Variants in PLEKHM3 observed in about 807,000 individuals in gnomAD.
PLEKHM3 encodes pleckstrin homology domain containing M3.
A neutral mutation model predicts 81.8 loss-of-function variants in PLEKHM3; 45 were observed. That is an observed-to-expected ratio of 0.55 (90% CI 0.43 to 0.71). The LOEUF (loss-of-function observed/expected upper bound fraction) is 0.71. Among genes scored for constraint, PLEKHM3 ranks in the 30% least tolerant of loss-of-function variants. The pLI is 0.00. For synonymous variants in PLEKHM3, 352 were observed against 356.4 expected (o/e 0.99, Z 0.14); for missense variants, 788 against 924.3 (o/e 0.85, Z 1.91).
chr2:207,882,826 GT>G (rs945737587), intron 6 of PLEKHM3, among the ~76,000 whole-genome samples: 13 of 149,366 alleles, frequency 8.7e-5, no homozygotes, highest in South Asian at 6.5e-4. Context: ...GTTTTTAAAA[GT>G]TTTTTTTTTA....
chr2:207,971,624 A>G (rs1691124767), intron 3 of PLEKHM3, among the ~76,000 whole-genome samples: 1 of 152,042 alleles, frequency 6.6e-6, no homozygotes, highest in Non-Finnish European at 1.5e-5. Flanking sequence ...TGAATAACCT[A>G]ATATAGAATC....
At chr2:207,913,994 CCA>C (rs1206596444) in intron 5 of PLEKHM3, among the ~76,000 whole-genome samples, 7 of 151,968 alleles carry the variant, frequency 4.6e-5, no homozygotes, top group Non-Finnish European at 8.8e-5. Context: ...CACACACACC[CCA>C]CACACAGTAT....
chr2:207,960,554 C>T (rs1372848529), intron 3 of PLEKHM3, among the ~76,000 whole-genome samples: 1 of 152,210 alleles, frequency 6.6e-6, no homozygotes, highest in African/African-American at 2.4e-5. Flanking sequence ...ATCTTCCTGC[C>T]TCTTGGCATA....
chr2:207,993,286 C>A (rs945178278), intron 2 of PLEKHM3, among the ~76,000 whole-genome samples: 1 of 152,110 alleles, frequency 6.6e-6, no homozygotes, highest in African/African-American at 2.4e-5. Flanking sequence ...AACTATACGA[C>A]CATATAAAAT....
intron 4 of PLEKHM3, among the ~76,000 whole-genome samples, chr2:207,939,541 T>C (rs1035778580): frequency 2.6e-5 from 4 of 152,188 alleles, no homozygotes; most frequent in Non-Finnish European, 4.4e-5. Flanking sequence ...TTGTCCTGTA[T>C]ACAATTGTAG....
chr2:207,877,200 G>A (rs1434124417), intron 6 of PLEKHM3, among the ~76,000 whole-genome samples: 14 of 152,082 alleles, frequency 9.2e-5, no homozygotes, highest in Non-Finnish European at 2.1e-4. Flanking sequence ...ATGTTCAGAG[G>A]TTCAGTAAAA....
chr2:207,825,808 C>T lies in PLEKHM3; in HGVS notation c.*2511G>A, dbSNP rs1019839081. 2.0e-5 allele frequency: 3 copies of T among 152,120 alleles called. No homozygotes were observed. Among genetic ancestry groups the T allele is most frequent in the African/African-American group, 4.8e-5 (2 of 41,408 alleles). The allele number at this position is 152,120 out of a possible 1,614,324, so 9.4% of individuals were successfully genotyped here. ...TGGGTAGCTGATGGTGATAACACAT[C>T]GATTTTTTGTTTCCCTTTTGAAAAT... is the stretch of plus-strand genomic sequence containing the variant. On this transcript the variant is annotated 3_prime_UTR_variant, in exon 8 of 8. Transcript: ENST00000427836.
chr2:207,889,288 A>T (rs1037236640), intron 6 of PLEKHM3, among the ~76,000 whole-genome samples: 1 of 152,170 alleles, frequency 6.6e-6, no homozygotes, highest in African/African-American at 2.4e-5. Context: ...AAATGATTGC[A>T]GTCAACCCTG....
chr2:208,012,219 T>A (rs1352798738), intron 1 of PLEKHM3, among the ~76,000 whole-genome samples: 1 of 151,998 alleles, frequency 6.6e-6, no homozygotes, highest in Non-Finnish European at 1.5e-5. Flanking sequence ...TTTTTTTGTA[T>A]TTTTTAGTAG....
intron 2 of PLEKHM3, among the ~76,000 whole-genome samples, chr2:207,979,398 G>T (rs980459941): frequency 2.0e-5 from 3 of 152,142 alleles, no homozygotes; most frequent in African/African-American, 7.2e-5. Context: ...GCTGGGTGTG[G>T]TGGCATGCGC....
chr2:207,999,334 GC>G (rs768798098), intron 2 of PLEKHM3, among the ~76,000 whole-genome samples: 22 of 150,584 alleles, frequency 1.5e-4, no homozygotes, highest in South Asian at 1.1e-3. Flanking sequence ...CCTTTTCTTA[GC>G]CAGGCATGGT....
At chr2:207,933,768 C>T (rs1368605094) in intron 4 of PLEKHM3, among the ~76,000 whole-genome samples, 1 of 152,198 alleles carries the variant, frequency 6.6e-6, no homozygotes, top group Non-Finnish European at 1.5e-5. Flanking sequence ...AAAAACAGAG[C>T]TCGTTTCAAC....
chr2:207,953,799 G>A (rs1690414999), intron 3 of PLEKHM3, among the ~76,000 whole-genome samples: 1 of 150,818 alleles, frequency 6.6e-6, no homozygotes, highest in African/African-American at 2.4e-5. Flanking sequence ...ACTCCAGCCT[G>A]GGCCACAAAG....
chr2:207,885,808 T>G (rs2105860912), intron 6 of PLEKHM3, among the ~76,000 whole-genome samples: 1 of 152,322 alleles, frequency 6.6e-6, no homozygotes, highest in South Asian at 2.1e-4. Context: ...AGGAAAACGA[T>G]AAACCTAGGG....
In PLEKHM3 at chr2:207,854,664, GT is replaced by G. The variant is rs371088965; in HGVS notation, c.2108+6440del. Among the ~76,000 whole-genome samples the G allele has an allele frequency of 5.3e-5, 8 of 152,268 alleles. 1 individual carries two copies. The highest frequency in any genetic ancestry group is 1.9e-4 in the African/African-American group (8 of 41,546). ...TGAACACCAAGAGAAAGCTCAACAGGTTTCTGAAAAGTGTTAACCTGGAATT... is the reference window on the plus strand; with the variant it reads ...TGAACACCAAGAGAAAGCTCAACAGGTTCTGAAAAGTGTTAACCTGGAATT... On this transcript the variant is annotated intron_variant, in intron 7 of 7. Transcript: ENST00000427836.
intron 5 of PLEKHM3, among the ~76,000 whole-genome samples, chr2:207,918,199 T>C (rs886752437): frequency 2.6e-5 from 4 of 152,238 alleles, no homozygotes; most frequent in African/African-American, 9.6e-5. Flanking sequence ...GTTCACAATA[T>C]ACTAAGTGAA....
At chr2:207,948,565 A>G (rs1259986230) in intron 3 of PLEKHM3, among the ~76,000 whole-genome samples, 3 of 128,992 alleles carry the variant, frequency 2.3e-5, no homozygotes, top group Non-Finnish European at 4.8e-5. Flanking sequence ...TTTTTTTGAG[A>G]TGGAGTCTTG....
chr2:207,852,944 T>A, intron 7 of PLEKHM3: 1 of 386,722 alleles, frequency 2.6e-6, no homozygotes, highest in Non-Finnish European at 4.9e-6. Flanking sequence ...AACATGCACA[T>A]CACTTCTGTG....
At chr2:207,912,983 G>A (rs138988854) in intron 5 of PLEKHM3, among the ~76,000 whole-genome samples, 1 of 152,324 alleles carries the variant, frequency 6.6e-6, no homozygotes, top group African/African-American at 2.4e-5. Context: ...CCATCTGGGT[G>A]ATTCCAAGGG....
Sources: allele counts gnomAD v4.1 joint callset (sites outside exome capture counted in the v4.1 genomes callset), GRCh38; gene constraint gnomAD v4.1.1; transcripts MANE v1.5; gene names NCBI Gene and HGNC (gene_info 2026-07-23, HGNC 2026-07-21).